The following ATG5 variants were observed in gnomAD, a reference collection of about 807,000 sequenced individuals.
ATG5 encodes autophagy protein 5.
A neutral mutation model predicts 36.5 loss-of-function variants in ATG5; 14 were observed. The ratio of observed to expected loss-of-function variants is 0.38; its 90% confidence interval spans 0.25 to 0.60. The LOEUF is 0.60. ATG5 is among the 20% of genes least tolerant of loss of function. The pLI is 0.60. For missense variants in ATG5, 195 were observed against 326.7 expected (o/e 0.60, Z 3.11); for synonymous variants, 95 against 101.5 (o/e 0.94, Z 0.38).
At chr6:106,196,292 TTTC>T (rs1233839718) in intron 7 of ATG5, among the ~76,000 whole-genome samples, 1 of 152,148 alleles carries the variant, frequency 6.6e-6, no homozygotes, top group Non-Finnish European at 1.5e-5. Context: ...AAAGCAAGTA[TTTC>T]AGAATGTTAT....
intron 6 of ATG5, among the ~76,000 whole-genome samples, chr6:106,207,192 G>A (rs1438005079): frequency 1.3e-5 from 2 of 152,162 alleles, no homozygotes; most frequent in African/African-American, 4.8e-5. Flanking sequence ...GAAAAACTGA[G>A]GTGGTAATGG....
intron 7 of ATG5, among the ~76,000 whole-genome samples, chr6:106,194,195 C>G (rs2114324051): frequency 6.6e-6 from 1 of 152,172 alleles, no homozygotes; most frequent in East Asian, 1.9e-4. Context: ...ATTGTAAAAC[C>G]CGCAATCTGA....
intron 6 of ATG5, among the ~76,000 whole-genome samples, chr6:106,224,586 A>T (rs898038725): frequency 6.6e-6 from 1 of 152,186 alleles, no homozygotes; most frequent in Non-Finnish European, 1.5e-5. Context: ...TGTTAAGACC[A>T]GAAATACGGC....
intron 7 of ATG5, among the ~76,000 whole-genome samples, chr6:106,187,396 T>C (rs1775816056): frequency 6.6e-6 from 1 of 152,134 alleles, no homozygotes; most frequent in Non-Finnish European, 1.5e-5. Flanking sequence ...AGATTTTGTG[T>C]TTTTCATGAT....
chr6:106,232,001 C>CCCTCG (rs1777713343), intron 6 of ATG5, among the ~76,000 whole-genome samples: 1 of 152,138 alleles, frequency 6.6e-6, no homozygotes, highest in Non-Finnish European at 1.5e-5. Context: ...ATAAGCCGCC[C>CCCTCG]CCTCGTCCAT....
At chr6:106,225,572 T>G (rs575848537) in intron 6 of ATG5, among the ~76,000 whole-genome samples, 8 of 152,190 alleles carry the variant, frequency 5.3e-5, no homozygotes, top group Non-Finnish European at 8.8e-5. Context: ...ATCATTAAAG[T>G]GGTGATATCA....
chr6:106,323,638 C>T (rs1219122517), intron 1 of ATG5, among the ~76,000 whole-genome samples: 1 of 152,132 alleles, frequency 6.6e-6, no homozygotes, highest in Admixed American at 6.5e-5. Flanking sequence ...GGTCATTTCG[C>T]ACTACCGCCA....
At chr6:106,306,014 A>G (rs181448687) in intron 3 of ATG5, among the ~76,000 whole-genome samples, 57 of 152,354 alleles carry the variant, frequency 3.7e-4, no homozygotes, top group African/African-American at 1.3e-3. Flanking sequence ...AGCTACAATG[A>G]GCTTACAGCA....
At chr6:106,284,161 A>G (rs890723234) in intron 4 of ATG5, among the ~76,000 whole-genome samples, 1 of 152,216 alleles carries the variant, frequency 6.6e-6, no homozygotes, top group African/African-American at 2.4e-5. Context: ...CCTATTTTGC[A>G]TATCAGAATT....
chr6:106,307,535 C>CTTT (rs34511184), intron 3 of ATG5, among the ~76,000 whole-genome samples: 8 of 105,140 alleles, frequency 7.6e-5, no homozygotes, highest in African/African-American at 1.4e-4. Context: ...TTTCAATACC[C>CTTT]TTTTTTTTTT....
chr6:106,197,687 G>A (rs1776252175), intron 7 of ATG5, among the ~76,000 whole-genome samples: 2 of 152,148 alleles, frequency 1.3e-5, no homozygotes, highest in East Asian at 1.9e-4. Flanking sequence ...TGTGACCACC[G>A]CACACACCAA....
intron 6 of ATG5, among the ~76,000 whole-genome samples, chr6:106,243,866 A>AAT (rs1215572274): frequency 6.6e-6 from 1 of 150,954 alleles, no homozygotes; most frequent in African/African-American, 2.4e-5. Flanking sequence ...AAAATTAAAA[A>AAT]ATATATAAAA....
chr6:106,223,612 G>T (rs1159630062), intron 6 of ATG5, among the ~76,000 whole-genome samples: 1 of 152,192 alleles, frequency 6.6e-6, no homozygotes, highest in African/African-American at 2.4e-5. Context: ...TAAAGCAGAT[G>T]ATTATCATTC....
rs199709291 is a variant in ATG5, at chr6:106,270,426, AAATAAT to A, written c.478+9229_478+9234del. On this transcript the variant is annotated intron_variant, in intron 5 of 7. Transcript: ENST00000369076. The stretch of plus-strand genomic sequence containing the variant: ...CCTTCCTGCAAAACGTACTACAGGC[AAATAAT>A]AATAATAACAAAAATGACCTAATTA... Among the ~76,000 whole-genome samples, 8 of 152,314 alleles carry A rather than the reference AAATAAT, an allele frequency of 5.3e-5. 1 individual carries two copies. In the East Asian group the frequency reaches 1.2e-3, roughly 22 times the overall value.
At chr6:106,227,512 C>T (rs2114448971) in intron 6 of ATG5, among the ~76,000 whole-genome samples, 1 of 152,280 alleles carries the variant, frequency 6.6e-6, no homozygotes, top group East Asian at 1.9e-4. Flanking sequence ...GGAAAGATCG[C>T]TTGAGCCCAG....
At chr6:106,295,897 A>G (rs1265263460) in intron 3 of ATG5, among the ~76,000 whole-genome samples, 1 of 152,200 alleles carries the variant, frequency 6.6e-6, no homozygotes, top group Non-Finnish European at 1.5e-5. Flanking sequence ...CTGGATCAGA[A>G]TACAAGTTAA....
At chr6:106,217,043 C>T (rs186986745) in intron 6 of ATG5, among the ~76,000 whole-genome samples, 52 of 151,162 alleles carry the variant, frequency 3.4e-4, no homozygotes, top group African/African-American at 1.2e-3. Flanking sequence ...TGATTTATAC[C>T]TATGCATCAT....
intron 6 of ATG5, among the ~76,000 whole-genome samples, chr6:106,226,967 C>T (rs926941561): frequency 6.6e-6 from 1 of 151,920 alleles, no homozygotes; most frequent in Non-Finnish European, 1.5e-5. Context: ...ACCCAAGAGA[C>T]ACCATCAGGC....
chr6:106,282,199 T>A (rs1449706195), intron 4 of ATG5, among the ~76,000 whole-genome samples: 1 of 152,272 alleles, frequency 6.6e-6, no homozygotes, highest in East Asian at 1.9e-4. Flanking sequence ...TGTACTCATC[T>A]ACATCAGGTG....
Sources: gnomAD v4.1 joint callset for allele counts (sites outside exome capture counted in the v4.1 genomes callset) on GRCh38, gnomAD v4.1.1 for gene constraint, MANE v1.5 for transcripts, NCBI Gene and HGNC (gene_info 2026-07-23, HGNC 2026-07-21) for gene names.